SND1: variants seen among roughly 807,000 people sequenced by gnomAD.
SND1 encodes the protein staphylococcal nuclease and tudor domain containing 1.
A neutral mutation model predicts 121.7 loss-of-function variants in SND1; 38 were observed. The ratio of observed to expected loss-of-function variants is 0.31; its 90% CI spans 0.24 to 0.41. SND1 has a LOEUF of 0.41. SND1 is among the 10% of genes least tolerant of loss of function. The probability of loss-of-function intolerance (pLI) is 1.00; values close to 1 mark genes in which losing one functional copy is unlikely to be tolerated. For synonymous variants in SND1, 401 were observed against 447.4 expected, an observed-to-expected ratio of 0.90 and a Z score of 1.31; for missense variants, 868 against 1,184.6, an observed-to-expected ratio of 0.73 and a Z score of 3.92.
intron 12 of SND1, among the ~76,000 whole-genome samples, chr7:127,863,227 A>T (rs982705251): frequency 6.6e-6 from 1 of 152,222 alleles, no homozygotes; most frequent in African/African-American, 2.4e-5. Flanking sequence ...TTCAGGAGGT[A>T]ACATTGCACA....
chr7:127,876,989 G>A (rs117984369), intron 12 of SND1, among the ~76,000 whole-genome samples: 578 of 152,124 alleles, frequency 3.8e-3, no homozygotes, highest in Non-Finnish European at 6.6e-3. Flanking sequence ...TTTTATTACC[G>A]CTTATATTTA....
chr7:127,673,930 G>C (rs1206832230), intron 1 of SND1, among the ~76,000 whole-genome samples: 1 of 152,138 alleles, frequency 6.6e-6, no homozygotes. Context: ...CCTGGAATCA[G>C]CTGTTTCTTC....
chr7:127,738,286 CTTTTTTTTTTT>C (rs889082580), intron 10 of SND1, among the ~76,000 whole-genome samples: 2 of 122,662 alleles, frequency 1.6e-5, no homozygotes, highest in Non-Finnish European at 3.4e-5. Flanking sequence ...TTTTTTTTTT[CTTTTTTTTTTT>C]TTTTGAGATG....
chr7:127,836,544 A>G (rs1004101046), intron 11 of SND1, among the ~76,000 whole-genome samples: 2 of 152,176 alleles, frequency 1.3e-5, no homozygotes, highest in Non-Finnish European at 1.5e-5. Flanking sequence ...TTTTTTCTGA[A>G]CGTATTTATA....
intron 3 of SND1, among the ~76,000 whole-genome samples, chr7:127,697,285 T>C (rs1009390556): frequency 6.6e-6 from 1 of 152,228 alleles, no homozygotes; most frequent in Non-Finnish European, 1.5e-5. Flanking sequence ...CACATTTCGT[T>C]GCCTCCGTTG....
intron 12 of SND1, among the ~76,000 whole-genome samples, chr7:127,853,041 G>C (rs954773035): frequency 6.6e-6 from 1 of 152,098 alleles, no homozygotes; most frequent in African/African-American, 2.4e-5. Context: ...TCACAAAAGC[G>C]AGTAGGGAGG....
chr7:128,072,176 T>C (rs1366536189), intron 16 of SND1, among the ~76,000 whole-genome samples: 3 of 152,190 alleles, frequency 2.0e-5, no homozygotes, highest in Non-Finnish European at 2.9e-5. Context: ...CCTCACAGGA[T>C]AGACAGCAAC....
At chr7:127,931,438 A>C (rs1263256178) in intron 15 of SND1, among the ~76,000 whole-genome samples, 2 of 152,246 alleles carry the variant, frequency 1.3e-5, no homozygotes, top group African/African-American at 4.8e-5. Context: ...AGGTTGGTTC[A>C]TGAGGTTTAA....
intron 17 of SND1, among the ~76,000 whole-genome samples, chr7:128,079,315 G>C (rs1793558777): frequency 6.6e-6 from 1 of 152,252 alleles, no homozygotes; most frequent in South Asian, 2.1e-4. Flanking sequence ...GAAGGCCCTT[G>C]AGGGATTAGG....
intron 10 of SND1, among the ~76,000 whole-genome samples, chr7:127,759,387 T>G (rs1797260210): frequency 2.0e-5 from 3 of 152,220 alleles, no homozygotes; most frequent in Admixed American, 2.0e-4. Context: ...GTTTTCATAC[T>G]TAAATTGTCC....
chr7:127,834,377 T>C (rs1420206253), intron 11 of SND1, among the ~76,000 whole-genome samples: 1 of 152,202 alleles, frequency 6.6e-6, no homozygotes, highest in South Asian at 2.1e-4. Flanking sequence ...AACTGCCCAG[T>C]TTGTGAATGT....
intron 16 of SND1, among the ~76,000 whole-genome samples, chr7:128,003,009 G>A (rs1397958275): frequency 6.6e-6 from 1 of 152,168 alleles, no homozygotes; most frequent in African/African-American, 2.4e-5. Context: ...ATCACATGAG[G>A]CCAGGATTTC....
intron 5 of SND1, 66 bp from the exon 6 acceptor site, chr7:127,702,369 A>G: frequency 6.9e-7 from 1 of 1,441,452 alleles, no homozygotes; most frequent in Non-Finnish European, 9.8e-7. Context: ...GTGCAGTTTG[A>G]TTGGGCAGTG....
intron 13 of SND1, 193 bp from the exon 14 acceptor site, chr7:127,904,549 TAAGAG>T (rs3039893): frequency 0.028 from 12,191 of 437,632 alleles, 840 homozygotes; most frequent in African/African-American, 0.17. Context: ...TAACAGGGCT[TAAGAG>T]AAGAGCAGCT....
intron 18 of SND1, among the ~76,000 whole-genome samples, chr7:128,082,438 T>C (rs1330444956): frequency 1.3e-5 from 2 of 152,188 alleles, no homozygotes; most frequent in Non-Finnish European, 2.9e-5. Context: ...GCCACTTCCC[T>C]CTAATGCTGT....
At chr7:127,775,499 G>C (rs1206740958) in intron 10 of SND1, among the ~76,000 whole-genome samples, 2 of 152,024 alleles carry the variant, frequency 1.3e-5, no homozygotes, top group Non-Finnish European at 2.9e-5. Context: ...TGTTTCAATA[G>C]ATCATAAAAG....
intron 12 of SND1, among the ~76,000 whole-genome samples, chr7:127,885,252 G>A (rs771429320): frequency 7.9e-5 from 12 of 152,250 alleles, no homozygotes; most frequent in Admixed American, 3.3e-4. Context: ...TTGTGATGGT[G>A]TATCACATGG....
chr7:128,003,547 C>T (rs1802887043), intron 16 of SND1, among the ~76,000 whole-genome samples: 1 of 152,192 alleles, frequency 6.6e-6, no homozygotes, highest in Non-Finnish European at 1.5e-5. Context: ...CCACCAGCAG[C>T]CTGCATGTGC....
chr7:127,911,231 C>A (rs1800446103), intron 14 of SND1, among the ~76,000 whole-genome samples: 1 of 152,242 alleles, frequency 6.6e-6, no homozygotes. Flanking sequence ...TGGATCCTCA[C>A]TGCACAGAAA....
Sources: gnomAD v4.1 joint callset for allele counts (sites outside exome capture counted in the v4.1 genomes callset) on GRCh38, gnomAD v4.1.1 for gene constraint, MANE v1.5 for transcripts, NCBI Gene and HGNC (gene_info 2026-07-23, HGNC 2026-07-21) for gene names.